The following NSMAF variants were observed in gnomAD, a reference collection of about 807,000 sequenced individuals.
NSMAF encodes the protein neutral sphingomyelinase activation associated factor.
In NSMAF, 90 loss-of-function variants were observed where a neutral mutation model predicts 134.9. The observed-to-expected ratio is 0.67, with a 90% confidence interval of 0.56 to 0.79. The LOEUF is 0.79. Among genes scored for constraint, NSMAF ranks in the 30% least tolerant of loss-of-function variants. The pLI is 0.00. For synonymous variants in NSMAF, 358 were observed against 389.6 expected, an observed-to-expected ratio of 0.92 and a Z score of 0.96; for missense variants, 1,010 against 1,119.0, an observed-to-expected ratio of 0.90 and a Z score of 1.39.
intron 14 of NSMAF, 63 bp downstream of exon 14, chr8:58,601,995 A>T: frequency 7.5e-7 from 1 of 1,328,968 alleles, no homozygotes; most frequent in Middle Eastern, 1.9e-4. Context: ...ATTTCCTTCC[A>T]TAAAAACACA....
intron 5 of NSMAF, among the ~76,000 whole-genome samples, chr8:58,633,659 T>A (rs531725765): frequency 7.2e-5 from 11 of 152,214 alleles, no homozygotes; most frequent in Non-Finnish European, 1.5e-4. Context: ...ATGAGTCGAA[T>A]CTGTTATTCA....
At chr8:58,630,321 T>C (rs76301119) in intron 6 of NSMAF, among the ~76,000 whole-genome samples, 2,096 of 152,168 alleles carry the variant, frequency 0.014, 53 homozygotes, top group African/African-American at 0.048. Flanking sequence ...CTCACCCTTT[T>C]TTTTTTTTTA....
intron 1 of NSMAF, among the ~76,000 whole-genome samples, chr8:58,650,073 A>G (rs1418911913): frequency 6.6e-6 from 1 of 152,234 alleles, no homozygotes; most frequent in Non-Finnish European, 1.5e-5. Flanking sequence ...ATTTTACGCC[A>G]GGAGACATAA....
chr8:58,657,478 T>C (rs1388802676), intron 1 of NSMAF, among the ~76,000 whole-genome samples: 2 of 152,206 alleles, frequency 1.3e-5, no homozygotes, highest in Admixed American at 6.5e-5. Context: ...TTTGTGTTTA[T>C]TGATGCAAGG....
At chr8:58,587,579 T>C in intron 27 of NSMAF, 39 bp downstream of exon 27, 2 of 1,580,042 alleles carry the variant, frequency 1.3e-6, no homozygotes, top group East Asian at 2.2e-5. Flanking sequence ...CCTAGACTTT[T>C]AAGGTCAGTT....
rs1371436066 is a variant in NSMAF, at chr8:58,599,763, G to A, written c.1440C>T (p.Pro480=). 11 of 1,613,902 alleles carry A rather than the reference G, an allele frequency of 6.8e-6. No individual in the cohort carries two copies. The highest frequency in any genetic ancestry group is 4.5e-5 in the East Asian group (2 of 44,888). ...GGGGGGACTCACTGGAAGCCCAAGG[G>A]GGAAGCTCCACGTCGTCAACCATCT... ...GGQMVDDVEL[P]PWASSPEDFL... The change falls in exon 18 of 31, where the codon CCC becomes CCT. Residue 480 remains proline, a synonymous_variant. Coordinates refer to ENST00000038176, the MANE Select transcript of NSMAF (RefSeq NM_003580.4).
At chr8:58,586,144 T>C in intron 28 of NSMAF, 144 bp from the exon 29 acceptor site, 1 of 732,610 alleles carries the variant, frequency 1.4e-6, no homozygotes, top group East Asian at 2.5e-5. Context: ...GACTATCCTC[T>C]CCTTGAAATG....
chr8:58,645,933 C>T (rs1301288515), intron 1 of NSMAF, among the ~76,000 whole-genome samples: 2 of 152,088 alleles, frequency 1.3e-5, no homozygotes, highest in East Asian at 1.9e-4. Context: ...CCCAGCTACT[C>T]GGGAGGCTGA....
chr8:58,589,142 A>AT (rs1805963643), intron 26 of NSMAF, among the ~76,000 whole-genome samples: 1 of 148,428 alleles, frequency 6.7e-6, no homozygotes, highest in Admixed American at 6.7e-5. Context: ...GTGTTTAAAA[A>AT]ATATATAATA....
rs1440437583 is a variant in NSMAF at position 58,599,219 on chromosome 8, G to A, written c.1585+13C>T. 1 of 1,603,398 alleles carries A rather than the reference G, an allele frequency of 6.2e-7. No homozygotes were observed. Among genetic ancestry groups the A allele is most frequent in the Admixed American group, 1.7e-5 (1 of 58,124 alleles). On this transcript the variant is annotated intron_variant, in intron 19 of 30. Coordinates refer to ENST00000038176, the MANE Select transcript of NSMAF (RefSeq NM_003580.4). ...ACCCAATGCTAAATAAAATTTCAATGAATATTACATACCATTATGGGCCCC... is the reference window on the plus strand; with the variant it reads ...ACCCAATGCTAAATAAAATTTCAATAAATATTACATACCATTATGGGCCCC...
chr8:58,610,665 A>C (rs904437408), intron 9 of NSMAF, among the ~76,000 whole-genome samples: 9 of 152,344 alleles, frequency 5.9e-5, no homozygotes, highest in African/African-American at 2.2e-4. Flanking sequence ...AGAAGTGAGT[A>C]AGGGCTGCAG....
chr8:58,615,472 A>T (rs1806635762), intron 9 of NSMAF, among the ~76,000 whole-genome samples: 1 of 152,222 alleles, frequency 6.6e-6, no homozygotes, highest in African/African-American at 2.4e-5. Flanking sequence ...AAAGACTGAA[A>T]TCACATAGAA....
At chr8:58,651,405 G>A (rs1807578868) in intron 1 of NSMAF, among the ~76,000 whole-genome samples, 1 of 152,058 alleles carries the variant, frequency 6.6e-6, no homozygotes, top group Admixed American at 6.6e-5. Flanking sequence ...CAGTAATTAG[G>A]TTAAAGCTTT....
intron 1 of NSMAF, 143 bp downstream of exon 1, chr8:58,659,430 G>T: frequency 6.7e-7 from 1 of 1,501,102 alleles, no homozygotes; most frequent in South Asian, 1.3e-5. Context: ...ACAGCCCCCA[G>T]CCCAGGCCCT....
intron 2 of NSMAF, among the ~76,000 whole-genome samples, chr8:58,636,085 T>G (rs139327692): frequency 6.6e-6 from 1 of 152,228 alleles, no homozygotes. Context: ...TTTTCCAAGT[T>G]GTTAACTGCA....
At chr8:58,590,769 C>A in intron 24 of NSMAF, 98 bp downstream of exon 24, 1 of 1,242,524 alleles carries the variant, frequency 8.0e-7, no homozygotes, top group Non-Finnish European at 1.1e-6. Flanking sequence ...CAGGAATAAA[C>A]TCAATTGTTT....
At chr8:58,623,636 A>C in intron 7 of NSMAF, 73 bp downstream of exon 7, 1 of 1,296,906 alleles carries the variant, frequency 7.7e-7, no homozygotes, top group Non-Finnish European at 1.1e-6. Context: ...TGGGTAAGGT[A>C]TATAAATACG....
At chr8:58,596,840 ACGG>A (rs1170213923) in intron 21 of NSMAF, among the ~76,000 whole-genome samples, 1 of 151,818 alleles carries the variant, frequency 6.6e-6, no homozygotes, top group African/African-American at 2.4e-5. Context: ...AGGCAGGAGA[ACGG>A]CGGCGTGAAC....
chr8:58,596,402 C>T (rs528067473), intron 21 of NSMAF, among the ~76,000 whole-genome samples: 1 of 152,302 alleles, frequency 6.6e-6, no homozygotes, highest in African/African-American at 2.4e-5. Context: ...CACAGAGTGT[C>T]AACCTCCTTC....
Sources: allele counts gnomAD v4.1 joint callset (sites outside exome capture counted in the v4.1 genomes callset), GRCh38; gene constraint gnomAD v4.1.1; transcripts MANE v1.5; gene names NCBI Gene and HGNC (gene_info 2026-07-23, HGNC 2026-07-21).